Variants in ZCWPW2 observed in about 807,000 individuals in gnomAD.
ZCWPW2 encodes the protein zinc finger CW-type PWWP domain protein 2.
ZCWPW2 carries 45 observed loss-of-function variants against 46.6 expected under a neutral mutation model. That is an observed-to-expected ratio of 0.96 (90% CI 0.76 to 1.24). The LOEUF (loss-of-function observed/expected upper bound fraction) is 1.24. Among genes scored for constraint, ZCWPW2 ranks in the 50% most tolerant of loss-of-function variants. The probability of loss-of-function intolerance (pLI) is 0.00; values close to 1 mark genes in which losing one functional copy is unlikely to be tolerated. For missense variants in ZCWPW2, 429 were observed against 403.9 expected (o/e 1.06, Z -0.53); for synonymous variants, 152 against 137.1 (o/e 1.11, Z -0.76).
At chr3:28,361,433 C>T (rs1178371518) in intron 1 of ZCWPW2, among the ~76,000 whole-genome samples, 1 of 152,004 alleles carries the variant, frequency 6.6e-6, no homozygotes, top group East Asian at 1.9e-4. Flanking sequence ...CTATAAAACT[C>T]TAGAAGAAAA....
At position 28,348,901 on chromosome 3, in the gene ZCWPW2, G is replaced by A; in HGVS notation, c.-436G>A. ...CCAGCAATACGCGCGCGAGACCCAG[G>A]CCCGCCGTCGGGACCAGCACGGGCC... On this transcript the variant is annotated 5_prime_UTR_variant, in exon 1 of 10. Coordinates refer to ENST00000383768, the MANE Select transcript of ZCWPW2 (RefSeq NM_001040432.4). 2 of 969,008 alleles carry A rather than the reference G, an allele frequency of 2.1e-6. No homozygotes were observed. Among genetic ancestry groups the A allele is most frequent in the Non-Finnish European group, 2.5e-6 (2 of 814,920 alleles). 60.0% of individuals were successfully genotyped at this position (969,008 alleles called of 1,614,324 possible). A position where few individuals can be genotyped will look rare whatever the true frequency, so the allele number is the denominator to read the frequency against.
At chr3:28,425,050 A>G (rs189470539) in intron 3 of ZCWPW2, among the ~76,000 whole-genome samples, 37 of 152,258 alleles carry the variant, frequency 2.4e-4, no homozygotes, top group African/African-American at 8.2e-4. Flanking sequence ...TTTTGTCACT[A>G]TGTCTGAAAT....
chr3:28,468,752 T>G (rs961390716), intron 4 of ZCWPW2, among the ~76,000 whole-genome samples: 2 of 152,036 alleles, frequency 1.3e-5, no homozygotes, highest in Non-Finnish European at 2.9e-5. Flanking sequence ...GAAATAAAGA[T>G]TTTCCCAGAC....
At chr3:28,433,598 C>T (rs1697357484) in intron 3 of ZCWPW2, among the ~76,000 whole-genome samples, 1 of 151,178 alleles carries the variant, frequency 6.6e-6, no homozygotes, top group African/African-American at 2.5e-5. Flanking sequence ...GAAACCCCAT[C>T]TCTACTAATT....
intron 5 of ZCWPW2, among the ~76,000 whole-genome samples, chr3:28,487,348 T>C (rs1306115999): frequency 6.6e-6 from 1 of 152,136 alleles, no homozygotes; most frequent in East Asian, 1.9e-4. Context: ...TATTGATATA[T>C]CCTGAAGCTC....
chr3:28,473,071 AG>A (rs1699097869), intron 4 of ZCWPW2, among the ~76,000 whole-genome samples: 1 of 152,226 alleles, frequency 6.6e-6, no homozygotes, highest in Non-Finnish European at 1.5e-5. Context: ...TCCAAAAGAC[AG>A]GCGATAACAA....
chr3:28,378,310 C>T (rs1274108164), intron 1 of ZCWPW2, among the ~76,000 whole-genome samples: 1 of 151,554 alleles, frequency 6.6e-6, no homozygotes, highest in Non-Finnish European at 1.5e-5. Context: ...ATTTGTTGAG[C>T]ACTTGAAAAA....
At chr3:28,402,468 G>T (rs1401864070) in intron 2 of ZCWPW2, among the ~76,000 whole-genome samples, 1 of 152,048 alleles carries the variant, frequency 6.6e-6, no homozygotes, top group Non-Finnish European at 1.5e-5. Context: ...GCAAAATTCT[G>T]CCAGACATTC....
chr3:28,466,700 C>T (rs923374747), intron 4 of ZCWPW2, among the ~76,000 whole-genome samples: 2 of 152,108 alleles, frequency 1.3e-5, no homozygotes, highest in Admixed American at 1.3e-4. Flanking sequence ...TCGGAAGGCT[C>T]AGGCACGAAA....
At chr3:28,506,117 CAA>C (rs1489480658) in intron 6 of ZCWPW2, among the ~76,000 whole-genome samples, 1 of 146,600 alleles carries the variant, frequency 6.8e-6, no homozygotes, top group Admixed American at 6.9e-5. Flanking sequence ...ATATATTTAA[CAA>C]ATATATATTT....
intron 4 of ZCWPW2, among the ~76,000 whole-genome samples, chr3:28,474,622 C>T (rs58088638): frequency 0.21 from 18,160 of 88,530 alleles, 1,170 homozygotes; most frequent in Middle Eastern, 0.27. Flanking sequence ...TGTGTGTGTG[C>T]GCGCGCGCGC....
chr3:28,444,180 G>C (rs1697888020), intron 4 of ZCWPW2, among the ~76,000 whole-genome samples: 1 of 152,100 alleles, frequency 6.6e-6, no homozygotes, highest in Non-Finnish European at 1.5e-5. Context: ...TTGTTCACCA[G>C]ATTTCTGTTT....
At chr3:28,405,168 T>C (rs1381576251) in intron 2 of ZCWPW2, among the ~76,000 whole-genome samples, 1 of 152,246 alleles carries the variant, frequency 6.6e-6, no homozygotes, top group African/African-American at 2.4e-5. Flanking sequence ...TAAGTCTCTT[T>C]TCAATTCAGT....
chr3:28,465,753 TCAAA>T (rs1291285164), intron 4 of ZCWPW2, among the ~76,000 whole-genome samples: 1 of 150,406 alleles, frequency 6.6e-6, no homozygotes, highest in African/African-American at 2.5e-5. Context: ...ACTCAAACAA[TCAAA>T]CAAAAAAAAA....
chr3:28,371,588 G>A (rs1705335951), intron 1 of ZCWPW2, among the ~76,000 whole-genome samples: 1 of 152,144 alleles, frequency 6.6e-6, no homozygotes, highest in African/African-American at 2.4e-5. Flanking sequence ...GAGCCCAGGA[G>A]TTTGAGGATA....
At chr3:28,380,272 C>T (rs1251666063) in intron 1 of ZCWPW2, among the ~76,000 whole-genome samples, 1 of 152,168 alleles carries the variant, frequency 6.6e-6, no homozygotes, top group Non-Finnish European at 1.5e-5. Flanking sequence ...GCATGAGCCA[C>T]CACGCCCGGC....
At chr3:28,503,394 A>G (rs933386473) in intron 6 of ZCWPW2, among the ~76,000 whole-genome samples, 7 of 152,132 alleles carry the variant, frequency 4.6e-5, no homozygotes, top group South Asian at 2.1e-4. Flanking sequence ...TCAGAGACAC[A>G]TAAGTCCTGT....
intron 3 of ZCWPW2, among the ~76,000 whole-genome samples, chr3:28,417,060 T>C (rs1044105118): frequency 7.3e-5 from 11 of 150,712 alleles, no homozygotes; most frequent in African/African-American, 2.4e-4. Context: ...TCCCTCTCTT[T>C]TTTTTTTTTT....
chr3:28,407,102 C>T (rs938362003), intron 2 of ZCWPW2, among the ~76,000 whole-genome samples: 1 of 152,176 alleles, frequency 6.6e-6, no homozygotes, highest in Non-Finnish European at 1.5e-5. Flanking sequence ...GTTGAGATTA[C>T]AGGCATGAGC....
Sources: gnomAD v4.1 joint callset for allele counts (sites outside exome capture counted in the v4.1 genomes callset) on GRCh38, gnomAD v4.1.1 for gene constraint, MANE v1.5 for transcripts, NCBI Gene and HGNC (gene_info 2026-07-23, HGNC 2026-07-21) for gene names.